The following BRIP1 variants were observed in gnomAD, a reference collection of about 807,000 sequenced individuals.
The protein encoded by BRIP1 is Fanconi anemia group J protein.
A neutral mutation model predicts 119.7 loss-of-function variants in BRIP1; 88 were observed. The ratio of observed to expected loss-of-function variants is 0.74; its 90% CI spans 0.62 to 0.88. The LOEUF is 0.88. BRIP1 is among the 40% of genes least tolerant of loss of function. The probability of loss-of-function intolerance (pLI) is 0.00; values close to 1 mark genes in which losing one functional copy is unlikely to be tolerated. For missense variants in BRIP1, 1,259 were observed against 1,455.4 expected, an observed-to-expected ratio of 0.87 and a Z score of 2.20; for synonymous variants, 443 against 496.5, an observed-to-expected ratio of 0.89 and a Z score of 1.43.
Position 61,681,030 on chromosome 17 carries a change from GAGA to G in BRIP1, c.*2263_*2265del, listed in dbSNP as rs1166335776. Among the ~76,000 whole-genome samples, 1 of 152,154 alleles carries G rather than the reference GAGA, an allele frequency of 6.6e-6. No individual in the cohort carries two copies. Among genetic ancestry groups the G allele is most frequent in the Non-Finnish European group, 1.5e-5 (1 of 68,020 alleles). On this transcript the variant is annotated 3_prime_UTR_variant, in exon 20 of 20. Transcript: ENST00000259008. This position sits in a 1 kb window ranked among gnomAD's most constrained non-coding sequence, Gnocchi z 5.1. ...GGCAACTTTTCACAGGGCAGCAGGA[GAGA>G]AGAATGAGAGTGAAGCAGGGAAAAG...
At chr17:61,839,133 ATCCCCAT>A (rs1274059698) in intron 6 of BRIP1, among the ~76,000 whole-genome samples, 1 of 152,018 alleles carries the variant, frequency 6.6e-6, no homozygotes, top group African/African-American at 2.4e-5. Context: ...CTCTACTCAT[ATCCCCAT>A]TATTTTTTCT....
rs914698404 is a variant in BRIP1, at chr17:61,789,010, G to A, written c.1474-4586C>T. Among the ~76,000 whole-genome samples, 2 of 152,042 alleles carry A rather than the reference G, an allele frequency of 1.3e-5. No individual in the cohort carries two copies. The highest frequency in any genetic ancestry group is 2.9e-5 in the Non-Finnish European group (2 of 68,010). On this transcript the variant is annotated intron_variant, in intron 10 of 19. Transcript: ENST00000259008. This position sits in a 1 kb window ranked among gnomAD's most constrained non-coding sequence, Gnocchi z 4.8. Reference sequence around the variant, plus strand: ...TTGGGGGCGCTGAGGCACAAGAATTGCCTGAACCTGGGAGGCGGAGGTTGC... The same window carrying A: ...TTGGGGGCGCTGAGGCACAAGAATTACCTGAACCTGGGAGGCGGAGGTTGC...
chr17:61,790,649 C>CT (rs1295889873), intron 10 of BRIP1, among the ~76,000 whole-genome samples: 4 of 151,294 alleles, frequency 2.6e-5, no homozygotes, highest in Non-Finnish European at 4.4e-5. Context: ...TTATCCTTTT[C>CT]TTTTTTTTTA....
intron 6 of BRIP1, among the ~76,000 whole-genome samples, chr17:61,829,237 A>G (rs1323540008): frequency 6.6e-6 from 1 of 152,136 alleles, no homozygotes; most frequent in East Asian, 1.9e-4. Flanking sequence ...TAAAAATAAA[A>G]GGATGAAAAA....
In BRIP1 at chr17:61,803,692, G is replaced by A. The variant is rs139073409; in HGVS notation, c.919-2218C>T. Among the ~76,000 whole-genome samples, 224 of 152,144 alleles carry A rather than the reference G, an allele frequency of 1.5e-3. 5 individuals carry two copies. In the East Asian group the frequency reaches 0.037, roughly 25 times the overall value. On this transcript the variant is annotated intron_variant, in intron 7 of 19. Coordinates refer to ENST00000259008, the MANE Select transcript of BRIP1 (RefSeq NM_032043.3). The surrounding 1 kb of genome is among the most constrained non-coding windows in gnomAD (Gnocchi z 4.3). Reference sequence around the variant, plus strand: ...TTGATAAAACCCAGCCCTAACAAGTGTCTCATATACTATTAAAAATGTACA... The same window carrying A: ...TTGATAAAACCCAGCCCTAACAAGTATCTCATATACTATTAAAAATGTACA...
In BRIP1 at chr17:61,844,379, G is replaced by A. The variant is rs2078699243; in HGVS notation, c.627+2722C>T. On this transcript the variant is annotated intron_variant, in intron 6 of 19. Transcript: ENST00000259008. The surrounding 1 kb of genome is among the most constrained non-coding windows in gnomAD (Gnocchi z 4.7). Reference sequence around the variant, plus strand: ...GCAAGAGGATCACTGGAGGCCATGAGTTTGAGACCAACCTGGGCAACACAG... The same window carrying A: ...GCAAGAGGATCACTGGAGGCCATGAATTTGAGACCAACCTGGGCAACACAG... 6.6e-6 allele frequency among the ~76,000 whole-genome samples: 1 copy of A among 152,076 alleles called. No individual in the cohort carries two copies. The highest frequency in any genetic ancestry group is 2.1e-4 in the South Asian group (1 of 4,814).
intron 18 of BRIP1, among the ~76,000 whole-genome samples, chr17:61,692,249 A>G (rs2061458323): frequency 6.6e-6 from 1 of 152,212 alleles, no homozygotes; most frequent in African/African-American, 2.4e-5. Flanking sequence ...TGGTATTGGC[A>G]ATGATTGTTT....
chr17:61,801,002 G>A (rs1270357966), intron 8 of BRIP1, among the ~76,000 whole-genome samples: 1 of 152,142 alleles, frequency 6.6e-6, no homozygotes, highest in East Asian at 1.9e-4. Context: ...ATTCATAAAT[G>A]CAAAGAGAAA....
rs924060329 is a variant in BRIP1 at position 61,843,368 on chromosome 17, T to C, written c.627+3733A>G. The stretch of plus-strand genomic sequence containing the variant: ...ATATTGGCTTTAAAATTTTCAGGTG[T>C]TCTCAACACACACACACACACAAAA... On this transcript the variant is annotated intron_variant, in intron 6 of 19. Coordinates refer to ENST00000259008, the MANE Select transcript of BRIP1 (RefSeq NM_032043.3). This position sits in a 1 kb window ranked among gnomAD's most constrained non-coding sequence, Gnocchi z 5.7. Among the ~76,000 whole-genome samples the C allele has an allele frequency of 1.3e-5, 2 of 152,138 alleles. No homozygotes were observed. Among genetic ancestry groups the C allele is most frequent in the African/African-American group, 4.8e-5 (2 of 41,430 alleles).
rs542695213 is a variant in BRIP1, at chr17:61,744,795, G to A, written c.2098-204C>T. ...GATTTAGAGAGATCTGAATGGTGCT[G>A]GCACAGTTAGCTGCTGCTGCTGCTA... On this transcript the variant is annotated intron_variant, in intron 14 of 19. Transcript: ENST00000259008. This position sits in a 1 kb window ranked among gnomAD's most constrained non-coding sequence, Gnocchi z 5.0. Among the ~76,000 whole-genome samples, 2 of 151,974 alleles carry A rather than the reference G, an allele frequency of 1.3e-5. No homozygotes were observed. Among genetic ancestry groups the A allele is most frequent in the African/African-American group, 4.8e-5 (2 of 41,458 alleles).
In BRIP1 at chr17:61,799,126, T is replaced by C. The variant is rs1291435424; in HGVS notation, c.1314A>G (p.Leu438=). ...TAATGAGGCTACAGCACACAGCTCG[T>C]AGGGGTTCATGATCTTTCTTCCTTA... ...NNIRKKDHEP[L]RAVCCSLINW... Residue 438 remains leucine, a synonymous_variant, in exon 9 of 20, where the codon CTA becomes CTG. Coordinates refer to ENST00000259008, the MANE Select transcript of BRIP1 (RefSeq NM_032043.3). The surrounding 1 kb of genome is among the most constrained non-coding windows in gnomAD (Gnocchi z 5.1). 1.9e-6 allele frequency: 3 copies of C among 1,613,436 alleles called. No individual in the cohort carries two copies. Among genetic ancestry groups the C allele is most frequent in the African/African-American group, 1.3e-5 (1 of 74,898 alleles).
intron 6 of BRIP1, among the ~76,000 whole-genome samples, chr17:61,817,090 A>G (rs1380072370): frequency 6.6e-6 from 1 of 152,194 alleles, no homozygotes; most frequent in African/African-American, 2.4e-5. Flanking sequence ...TTCAGCATCA[A>G]TGGTATTGAG....
At position 61,755,938 on chromosome 17, in the gene BRIP1, G is replaced by A. The variant is rs1473420982; in HGVS notation, c.2098-11347C>T. Among the ~76,000 whole-genome samples the A allele has an allele frequency of 1.3e-5, 2 of 152,148 alleles. No individual in the cohort carries two copies. The highest frequency in any genetic ancestry group is 2.9e-5 in the Non-Finnish European group (2 of 68,024). ...GAGCTATGAGGAACACTTCATAAAA[G>A]GGAGAATTTGGTGACTATGACACAT... On this transcript the variant is annotated intron_variant, in intron 14 of 19. Transcript: ENST00000259008. This position sits in a 1 kb window ranked among gnomAD's most constrained non-coding sequence, Gnocchi z 4.5.
chr17:61,765,880 T>C (rs185782621), intron 14 of BRIP1, among the ~76,000 whole-genome samples: 2 of 144,690 alleles, frequency 1.4e-5, no homozygotes, highest in East Asian at 4.1e-4. Context: ...AACAACTTGG[T>C]TATTAAATTG....
intron 6 of BRIP1, among the ~76,000 whole-genome samples, chr17:61,838,652 CA>C (rs34726920): frequency 6.6e-6 from 1 of 151,554 alleles, no homozygotes; most frequent in South Asian, 2.1e-4. Flanking sequence ...CTGGTTTTCA[CA>C]AAAAAGTTAC....
rs1259312413 is a variant in BRIP1, at chr17:61,805,544, C to A, written c.918+2923G>T. Among the ~76,000 whole-genome samples the A allele has an allele frequency of 6.6e-6, 1 of 152,148 alleles. No individual in the cohort carries two copies. Among genetic ancestry groups the A allele is most frequent in the Non-Finnish European group, 1.5e-5 (1 of 68,028 alleles). The stretch of plus-strand genomic sequence containing the variant: ...TCAGAAAATTTGGGTTCTGGTCCCT[C>A]CTTGCTAATTACTTGTCTGACTGAG... On this transcript the variant is annotated intron_variant, in intron 7 of 19. Transcript: ENST00000259008. The surrounding 1 kb of genome is among the most constrained non-coding windows in gnomAD (Gnocchi z 5.6).
At position 61,742,809 on chromosome 17, in the gene BRIP1, C is replaced by A. The variant is rs12937232; in HGVS notation, c.2379+204G>T. On this transcript the variant is annotated intron_variant, in intron 16 of 19. Coordinates refer to ENST00000259008, the MANE Select transcript of BRIP1 (RefSeq NM_032043.3). The surrounding 1 kb of genome is among the most constrained non-coding windows in gnomAD (Gnocchi z 4.7). Reference sequence around the variant, plus strand: ...GTTTGAAATATCGTGAGAATTAACCCAAATGTGAAACAGAAACAAGTGACC... The same window carrying A: ...GTTTGAAATATCGTGAGAATTAACCAAAATGTGAAACAGAAACAAGTGACC... 0.77 allele frequency among the ~76,000 whole-genome samples: 117,368 copies of A among 152,138 alleles called. 45,879 individuals are homozygous for A. The highest frequency in any genetic ancestry group is 0.83 in the African/African-American group (34,584 of 41,514).
chr17:61,808,854 C>T lies in BRIP1; in HGVS notation c.628-97G>A. 4 of 1,218,406 alleles carry T rather than the reference C, an allele frequency of 3.3e-6. No homozygotes were observed. The allele number at this position is 1,218,406 out of a possible 1,614,324, so 75.5% of individuals were successfully genotyped here. A position where few individuals can be genotyped will look rare whatever the true frequency, so the allele number is the denominator to read the frequency against. On this transcript the variant is annotated intron_variant, in intron 6 of 19. Coordinates refer to ENST00000259008, the MANE Select transcript of BRIP1 (RefSeq NM_032043.3). The surrounding 1 kb of genome is among the most constrained non-coding windows in gnomAD (Gnocchi z 4.1). ...ATCAGAACCTGTAAGTAATGAATCA[C>T]AATGGTCAAATAAAGAGAAATAACA... is the stretch of plus-strand genomic sequence containing the variant.
chr17:61,830,416 C>T (rs1372852784), intron 6 of BRIP1, among the ~76,000 whole-genome samples: 1 of 150,090 alleles, frequency 6.7e-6, no homozygotes. Context: ...ACAGATTGAG[C>T]AAAATGAATT....
Sources: allele counts gnomAD v4.1 joint callset (sites outside exome capture counted in the v4.1 genomes callset), GRCh38; gene constraint gnomAD v4.1.1; non-coding constraint Gnocchi (gnomAD v3.1); transcripts MANE v1.5; gene names NCBI Gene and HGNC (gene_info 2026-07-23, HGNC 2026-07-21).